ASXL2: variants seen among roughly 807,000 people sequenced by gnomAD.
ASXL2 encodes putative Polycomb group protein ASXL2.
In ASXL2, 23 loss-of-function variants were observed where a neutral mutation model predicts 122.0. That is an observed-to-expected ratio of 0.19 (90% CI 0.14 to 0.27). The LOEUF (loss-of-function observed/expected upper bound fraction) is 0.27. Ranked by LOEUF, ASXL2 falls within the 10% of genes least tolerant of loss-of-function variation. ASXL2 has a pLI of 1.00. For synonymous variants in ASXL2, 650 were observed against 637.0 expected (o/e 1.02, Z -0.31); for missense variants, 1,518 against 1,713.8 (o/e 0.89, Z 2.02).
chr2:25,767,485 C>T, intron 8 of ASXL2, 98 bp downstream of exon 8: 1 of 1,302,084 alleles, frequency 7.7e-7, no homozygotes, highest in Non-Finnish European at 1.1e-6. Flanking sequence ...TAACTCAAAT[C>T]TAAGTTATAA....
chr2:25,877,808 C>T (rs1177561129), intron 1 of ASXL2, among the ~76,000 whole-genome samples: 1 of 152,194 alleles, frequency 6.6e-6, no homozygotes, highest in Admixed American at 6.5e-5. Flanking sequence ...TGGGGGCTCT[C>T]CAGCCGCACA....
chr2:25,847,906 T>C (rs995658063), intron 1 of ASXL2, among the ~76,000 whole-genome samples: 2 of 152,240 alleles, frequency 1.3e-5, no homozygotes, highest in Non-Finnish European at 2.9e-5. Flanking sequence ...TGTCCACTTT[T>C]GTGTACATAT....
At chr2:25,831,465 G>A (rs1273318240) in intron 3 of ASXL2, among the ~76,000 whole-genome samples, 3 of 152,032 alleles carry the variant, frequency 2.0e-5, no homozygotes, top group Admixed American at 1.3e-4. Flanking sequence ...ATTGCGCTGG[G>A]CAACATGATG....
At chr2:25,825,778 GCT>G (rs1559521778) in intron 3 of ASXL2, among the ~76,000 whole-genome samples, 2 of 152,190 alleles carry the variant, frequency 1.3e-5, no homozygotes, top group African/African-American at 4.8e-5. Context: ...TTAAGTCTCT[GCT>G]TTCGATTCTT....
intron 1 of ASXL2, among the ~76,000 whole-genome samples, chr2:25,874,738 G>A (rs1515948): frequency 0.75 from 113,959 of 152,086 alleles, 44,187 homozygotes; most frequent in Non-Finnish European, 0.83. Flanking sequence ...TACACTATTT[G>A]TCTCTCGCTC....
chr2:25,868,856 G>T (rs942233730), intron 1 of ASXL2, among the ~76,000 whole-genome samples: 1 of 151,882 alleles, frequency 6.6e-6, no homozygotes, highest in African/African-American at 2.4e-5. Flanking sequence ...TGCTGAAACC[G>T]CATCTCTATA....
At position 25,743,876 on chromosome 2, in the gene ASXL2, G is replaced by T; in HGVS notation, c.2461C>A (p.Pro821Thr). 1 of 1,614,042 alleles carries T rather than the reference G, an allele frequency of 6.2e-7. No individual in the cohort carries two copies. Among genetic ancestry groups the T allele is most frequent in the Non-Finnish European group, 8.5e-7 (1 of 1,179,910 alleles). Residue 821 changes from proline to threonine, a missense_variant, in exon 13 of 13, where the codon CCA (proline) becomes ACA (threonine). Coordinates refer to ENST00000435504, the MANE Select transcript of ASXL2 (RefSeq NM_018263.6). ...TGTCTGCAACTACTGGGCCCTTGTGGATGGCTGACAGAGGCCACTGTGGCT... is the reference window on the plus strand; with the variant it reads ...TGTCTGCAACTACTGGGCCCTTGTGTATGGCTGACAGAGGCCACTGTGGCT... Reference protein sequence around the residue: ...ATATVASVSHPQGPSSCRQEK... With the variant: ...ATATVASVSHTQGPSSCRQEK...
At chr2:25,791,074 G>C (rs1030424708) in intron 5 of ASXL2, among the ~76,000 whole-genome samples, 2 of 151,990 alleles carry the variant, frequency 1.3e-5, no homozygotes, top group Non-Finnish European at 2.9e-5. Context: ...TGGGATTACA[G>C]GTGTGAGCCA....
At chr2:25,802,651 A>G (rs190784647) in intron 4 of ASXL2, among the ~76,000 whole-genome samples, 2 of 152,160 alleles carry the variant, frequency 1.3e-5, no homozygotes, top group African/African-American at 4.8e-5. Flanking sequence ...TAGTCTCAGG[A>G]TGGGGGTTAG....
At chr2:25,760,376 A>G (rs1361831311) in intron 8 of ASXL2, among the ~76,000 whole-genome samples, 1 of 152,144 alleles carries the variant, frequency 6.6e-6, no homozygotes, top group Non-Finnish European at 1.5e-5. Context: ...AGATGCTAAA[A>G]TATTAATATT....
intron 12 of ASXL2, among the ~76,000 whole-genome samples, chr2:25,747,844 A>C (rs747232032): frequency 6.6e-6 from 1 of 152,158 alleles, no homozygotes; most frequent in African/African-American, 2.4e-5. Flanking sequence ...ACCCCCATAG[A>C]TTCGTAAGTG....
intron 3 of ASXL2, among the ~76,000 whole-genome samples, chr2:25,814,514 T>G (rs2089210973): frequency 6.6e-6 from 1 of 152,204 alleles, no homozygotes; most frequent in African/African-American, 2.4e-5. Context: ...TATGTAACTA[T>G]CACACAACAA....
intron 5 of ASXL2, among the ~76,000 whole-genome samples, chr2:25,779,870 C>T (rs2088606106): frequency 6.6e-6 from 1 of 151,370 alleles, no homozygotes; most frequent in African/African-American, 2.4e-5. Flanking sequence ...TGTTTTAATA[C>T]TTTTTTTTTC....
intron 5 of ASXL2, among the ~76,000 whole-genome samples, chr2:25,774,248 G>A (rs974777986): frequency 2.6e-5 from 4 of 151,800 alleles, no homozygotes; most frequent in Admixed American, 6.6e-5. Flanking sequence ...CATGTACCCC[G>A]AACCTAAAAC....
chr2:25,768,904 A>G (rs766948132), intron 6 of ASXL2, 36 bp from the exon 7 acceptor site: 7 of 1,594,778 alleles, frequency 4.4e-6, no homozygotes, highest in East Asian at 4.5e-5. Context: ...AAACAAAACC[A>G]ATCAGTTTTT....
intron 5 of ASXL2, among the ~76,000 whole-genome samples, chr2:25,795,776 G>A (rs1355014238): frequency 6.6e-6 from 1 of 151,658 alleles, no homozygotes; most frequent in African/African-American, 2.4e-5. Context: ...GAAAAGAAGC[G>A]AAAAAATTAA....
chr2:25,843,040 C>T (rs918650467), intron 2 of ASXL2, among the ~76,000 whole-genome samples: 2 of 151,096 alleles, frequency 1.3e-5, no homozygotes, highest in African/African-American at 4.9e-5. Context: ...GTGGCTCACG[C>T]CTGTAATCCC....
intron 5 of ASXL2, among the ~76,000 whole-genome samples, 186 bp from the exon 6 acceptor site, chr2:25,771,726 T>G (rs76032762): frequency 1.3e-5 from 2 of 152,176 alleles, no homozygotes; most frequent in Admixed American, 6.5e-5. Flanking sequence ...AAAGTTCTAA[T>G]GAAGGATGAT....
chr2:25,778,412 C>T (rs1456271720), intron 5 of ASXL2, among the ~76,000 whole-genome samples: 2 of 152,124 alleles, frequency 1.3e-5, no homozygotes, highest in Non-Finnish European at 2.9e-5. Flanking sequence ...CAGATTCCCC[C>T]CAGAGCCTCT....
Sources: gnomAD v4.1 joint callset for allele counts (sites outside exome capture counted in the v4.1 genomes callset) on GRCh38, gnomAD v4.1.1 for gene constraint, MANE v1.5 for transcripts, NCBI Gene and HGNC (gene_info 2026-07-23, HGNC 2026-07-21) for gene names.